OPRM1: variants seen among roughly 807,000 people sequenced by gnomAD.
OPRM1 encodes the protein opioid receptor mu 1, also known as mu-type opioid receptor.
OPRM1 carries 27 observed loss-of-function variants against 31.8 expected under a neutral mutation model. The observed-to-expected ratio is 0.85, with a 90% CI of 0.63 to 1.17. The LOEUF (loss-of-function observed/expected upper bound fraction) is 1.17, where lower values mean the gene tolerates loss of function less well. OPRM1 is among the 50% of genes most tolerant of loss of function. The pLI is 0.00. For missense variants in OPRM1, 536 were observed against 511.1 expected (o/e 1.05, Z -0.47); for synonymous variants, 196 against 189.9 (o/e 1.03, Z -0.26).
intron 3 of OPRM1, chr6:154,221,246 C>T (rs1284930855): frequency 1.2e-6 from 2 of 1,610,626 alleles, no homozygotes; most frequent in African/African-American, 2.7e-5. Flanking sequence ...TTACCAGTTT[C>T]CTCTACTTAC....
Position 154,129,537 on chromosome 6 carries a change from T to G in OPRM1, c.*10816T>G, listed in dbSNP as rs60700980. ...ATATGATTGGAGACTTCCACATAAT[T>G]GAGTTTTAGTGCCCACTGTTACAGA... On this transcript the variant is annotated 3_prime_UTR_variant, in exon 4 of 4. Transcript: ENST00000330432. Among the ~76,000 whole-genome samples, 244 of 152,278 alleles carry G rather than the reference T, an allele frequency of 1.6e-3. 1 individual carries two copies. Among genetic ancestry groups the G allele is most frequent in the African/African-American group, 5.6e-3 (233 of 41,544 alleles).
At chr6:154,181,534 T>C (rs1031617456) in intron 3 of OPRM1, among the ~76,000 whole-genome samples, 1 of 152,208 alleles carries the variant, frequency 6.6e-6, no homozygotes, top group Admixed American at 6.5e-5. Context: ...TTCTTTTGAA[T>C]GAAAGTCAGT....
intron 3 of OPRM1, among the ~76,000 whole-genome samples, chr6:154,214,658 A>G (rs1562545929): frequency 6.6e-6 from 1 of 152,210 alleles, no homozygotes; most frequent in African/African-American, 2.4e-5. Context: ...ACTCTTAATA[A>G]TGTCTTAATA....
chr6:154,067,528 A>G (rs1390298892), intron 1 of OPRM1, among the ~76,000 whole-genome samples: 1 of 151,800 alleles, frequency 6.6e-6, no homozygotes. Flanking sequence ...GATACTGTAT[A>G]TAATATTTAT....
At chr6:154,220,929 G>A (rs1385431227) in intron 3 of OPRM1, among the ~76,000 whole-genome samples, 1 of 152,228 alleles carries the variant, frequency 6.6e-6, no homozygotes, top group Non-Finnish European at 1.5e-5. Flanking sequence ...AATTCCGAAA[G>A]CTGCAAGATC....
Position 154,130,298 on chromosome 6 carries a change from A to G in OPRM1, c.*11577A>G, listed in dbSNP as rs1311740515. On this transcript the variant is annotated 3_prime_UTR_variant, in exon 4 of 4. Transcript: ENST00000330432. Reference sequence around the variant, plus strand: ...ATTCTCCTGCTTCAGCCTCCTGAGTAGCTGGGACTACAGGTGCCCGCCACA... The same window carrying G: ...ATTCTCCTGCTTCAGCCTCCTGAGTGGCTGGGACTACAGGTGCCCGCCACA... Among the ~76,000 whole-genome samples the G allele has an allele frequency of 6.6e-6, 1 of 151,038 alleles. No homozygotes were observed. Among genetic ancestry groups the G allele is most frequent in the African/African-American group, 2.4e-5 (1 of 41,012 alleles).
At chr6:154,159,653 TGAG>T in intron 3 of OPRM1, 1 of 613,220 alleles carries the variant, frequency 1.6e-6, no homozygotes, top group Non-Finnish European at 2.8e-6. Flanking sequence ...ACGACTGAAA[TGAG>T]GAGCCCTGGT....
At chr6:154,038,360 T>C (rs1779444499), upstream of OPRM1, among the ~76,000 whole-genome samples, 1 of 152,212 alleles carries the variant, frequency 6.6e-6, no homozygotes, top group Non-Finnish European at 1.5e-5. Context: ...TCTTGGTATT[T>C]ACAAATTTAT....
intron 3 of OPRM1, chr6:154,093,531 C>A (rs201758075): frequency 1.5e-5 from 24 of 1,567,854 alleles, no homozygotes; most frequent in Non-Finnish European, 2.0e-5. Flanking sequence ...TATTGTACAG[C>A]CAGATAGAAG....
rs142107188 is a variant in OPRM1 at position 154,087,879 on chromosome 6, T to G, written c.291-1947T>G. 4 of 152,342 alleles carry G rather than the reference T, an allele frequency of 2.6e-5. No homozygotes were observed. The East Asian group carries it at 7.7e-4, about 29-fold the overall frequency. The allele number at this position is 152,342 out of a possible 1,614,324, so 9.4% of individuals were successfully genotyped here. ...GGTATACTTCTGCCATCAGATATAA[T>G]GTATTATTGCAAGTGTACCTGCTTA... On this transcript the variant is annotated intron_variant, in intron 1 of 3. Coordinates refer to ENST00000330432, the MANE Select transcript of OPRM1 (RefSeq NM_000914.5).
intron 3 of OPRM1, among the ~76,000 whole-genome samples, chr6:154,199,502 C>G (rs1453314137): frequency 6.6e-6 from 1 of 152,202 alleles, no homozygotes; most frequent in Non-Finnish European, 1.5e-5. Context: ...TGGAGTTGTC[C>G]ACATGCAAAC....
chr6:154,208,041 GCCTA>G lies in OPRM1; in HGVS notation c.1165-38648_1165-38645del, dbSNP rs1777643442. 3.3e-5 allele frequency among the ~76,000 whole-genome samples: 5 copies of G among 152,184 alleles called. No homozygotes were observed. The South Asian group carries it at 1.0e-3, about 32-fold the overall frequency. On this transcript the variant is annotated intron_variant, in intron 3 of 3. Coordinates refer to the OPRM1 transcript ENST00000337049. ...CCCTCTCTTAGTTTTCTGATTCTATGCCTACCTCCCACTTCCCAGTGTCTGTTGC... is the reference window on the plus strand; with the variant it reads ...CCCTCTCTTAGTTTTCTGATTCTATGCCTCCCACTTCCCAGTGTCTGTTGC...
rs1422558678 is a variant in OPRM1, at chr6:154,039,566, A to T, written c.22A>T (p.Thr8Ser). 1 of 1,612,910 alleles carries T rather than the reference A, an allele frequency of 6.2e-7. No homozygotes were observed. Among genetic ancestry groups the T allele is most frequent in the Non-Finnish European group, 8.5e-7 (1 of 1,179,544 alleles). Residue 8 changes from threonine (T) to serine (S), a missense_variant, in exon 1 of 4, where the codon ACG (threonine) becomes TCG (serine). By Grantham distance (58) the Thr-to-Ser change is moderately conservative. Coordinates refer to ENST00000330432, the MANE Select transcript of OPRM1 (RefSeq NM_000914.5). ...TACCATGGACAGCAGCGCTGCCCCC[A>T]CGAACGCCAGCAATTGCACTGATGC... MDSSAAP[T>S]NASNCTDALA...
intron 3 of OPRM1, chr6:154,093,301 C>T (rs202075764): frequency 3.1e-6 from 5 of 1,613,412 alleles, no homozygotes; most frequent in Non-Finnish European, 4.2e-6. Context: ...TCTTGCTGGG[C>T]TCTAGAGCAA....
rs1316277237 is a variant in OPRM1 at position 154,091,253 on chromosome 6, C to T, written c.945C>T (p.Phe315=). 3.1e-6 allele frequency: 5 copies of T among 1,614,064 alleles called. No homozygotes were observed. The African/African-American group carries it at 6.7e-5, about 22-fold the overall frequency. The change falls in exon 3 of 4, where the codon TTC becomes TTT. Residue 315 remains phenylalanine (F), a synonymous_variant. Transcript: ENST00000330432. ...TGGTTACAATCCCAGAAACTACGTT[C>T]CAGACTGTTTCTTGGCACTTCTGCA... ...KALVTIPETT[F]QTVSWHFCIA...
chr6:154,190,118 A>C (rs933216334), intron 3 of OPRM1, among the ~76,000 whole-genome samples: 1 of 152,178 alleles, frequency 6.6e-6, no homozygotes, highest in Non-Finnish European at 1.5e-5. Context: ...ACTCAGTTTG[A>C]ATCTGGTCCC....
chr6:154,074,121 C>T (rs1787355586), intron 1 of OPRM1: 1 of 152,148 alleles, frequency 6.6e-6, no homozygotes, highest in Non-Finnish European at 1.5e-5. Context: ...AGCATAGCAA[C>T]CAAATTCCCA....
At chr6:154,237,306 C>T (rs994147856) in intron 3 of OPRM1, among the ~76,000 whole-genome samples, 6 of 152,196 alleles carry the variant, frequency 3.9e-5, no homozygotes, top group Admixed American at 6.5e-5. Flanking sequence ...GGGTGGAAAA[C>T]GCTGTATTGA....
intron 3 of OPRM1, among the ~76,000 whole-genome samples, chr6:154,198,197 G>A (rs895863095): frequency 5.9e-5 from 9 of 152,164 alleles, no homozygotes; most frequent in Non-Finnish European, 5.9e-5. Context: ...CTTATGCTGA[G>A]CATGAATCTA....
Sources: gnomAD v4.1 joint callset for allele counts (sites outside exome capture counted in the v4.1 genomes callset) on GRCh38, gnomAD v4.1.1 for gene constraint, MANE v1.5 for transcripts, NCBI Gene and HGNC (gene_info 2026-07-23, HGNC 2026-07-21) for gene names.